MIDEAS: variants seen among roughly 807,000 people sequenced by gnomAD.
MIDEAS encodes mitotic deacetylase associated SANT domain protein, also known as mitotic deacetylase-associated SANT domain protein.
In MIDEAS, 26 loss-of-function variants were observed where a neutral mutation model predicts 102.7. The ratio of observed to expected loss-of-function variants is 0.25; its 90% confidence interval spans 0.19 to 0.35. The LOEUF (loss-of-function observed/expected upper bound fraction) is 0.35. Among genes scored for constraint, MIDEAS ranks in the 10% least tolerant of loss-of-function variants. The probability of loss-of-function intolerance (pLI) is 1.00; values close to 1 mark genes in which losing one functional copy is unlikely to be tolerated. For missense variants in MIDEAS, 1,231 were observed against 1,435.6 expected, an observed-to-expected ratio of 0.86 and a Z score of 2.30; for synonymous variants, 585 against 591.0, an observed-to-expected ratio of 0.99 and a Z score of 0.15.
At chr14:73,734,279 G>A (rs761688790) in intron 3 of MIDEAS, among the ~76,000 whole-genome samples, 8 of 152,228 alleles carry the variant, frequency 5.3e-5, no homozygotes, top group South Asian at 2.1e-4. Context: ...CACTGCCCCC[G>A]GCCCAGGATA....
At chr14:73,756,296 G>GTGTGTGCA (rs57331866) in intron 1 of MIDEAS, among the ~76,000 whole-genome samples, 1 of 24,028 alleles carries the variant, frequency 4.2e-5, no homozygotes, top group African/African-American at 2.4e-4. Flanking sequence ...GTGTGTGTGT[G>GTGTGTGCA]CGCGCGCGCG....
chr14:73,788,811 G>T (rs1243095485), upstream of MIDEAS, among the ~76,000 whole-genome samples: 2 of 152,132 alleles, frequency 1.3e-5, no homozygotes, highest in Non-Finnish European at 2.9e-5. Context: ...ACCAATGAGA[G>T]AATATGTTAG....
At chr14:73,786,765 T>G (rs559652317) in intron 1 of MIDEAS, among the ~76,000 whole-genome samples, 58 of 152,314 alleles carry the variant, frequency 3.8e-4, no homozygotes, top group African/African-American at 1.4e-3. Flanking sequence ...GCGCCCAGCC[T>G]GCAGGGATGG....
chr14:73,725,301 T>G lies in MIDEAS; in HGVS notation c.2545A>C (p.Lys849Gln). Residue 849 changes from lysine (K) to glutamine (Q), a missense_variant, in exon 9 of 13, where the codon AAG (lysine) becomes CAG (glutamine). Around this residue, in one of 5 missense-constraint regions of MIDEAS, gnomAD observed 391 missense variants for 483.0 expected, o/e 0.81. Transcript: ENST00000423556. The surrounding 1 kb of genome is among the most constrained non-coding windows in gnomAD (Gnocchi z 4.1). ...TTCTGCACCAGGAAGAAATCCTTCTTGTAGATGGCAATGCCTTTGTTGAAC... is the reference window on the plus strand; with the variant it reads ...TTCTGCACCAGGAAGAAATCCTTCTGGTAGATGGCAATGCCTTTGTTGAAC... Reference protein sequence around the residue: ...KLFNKGIAIYKKDFFLVQKLI... With the variant: ...KLFNKGIAIYQKDFFLVQKLI... 6.2e-7 allele frequency: 1 copy of G among 1,614,000 alleles called. No homozygotes were observed. Among genetic ancestry groups the G allele is most frequent in the Non-Finnish European group, 8.5e-7 (1 of 1,179,912 alleles).
At chr14:73,774,801 C>A (rs2053675290) in intron 1 of MIDEAS, among the ~76,000 whole-genome samples, 1 of 152,028 alleles carries the variant, frequency 6.6e-6, no homozygotes, top group South Asian at 2.1e-4. Flanking sequence ...ACAGCCAGCT[C>A]ACCAAGCACA....
rs1466605382 is a variant in MIDEAS at position 73,719,330 on chromosome 14, T to C, written c.3109A>G (p.Thr1037Ala). The C allele has an allele frequency of 6.2e-7, 1 of 1,610,478 alleles. No individual in the cohort carries two copies. The highest frequency in any genetic ancestry group is 8.5e-7 in the Non-Finnish European group (1 of 1,178,444). ...CTGCCACATTTTTTACAGGGGAAAG[T>C]GTTCTCCTGATTCTGGGTCTTACTG... ...TFSKTQNQEN[T>A]FPCKKCGRVF... Residue 1037 changes from threonine (T) to alanine (A), a missense_variant, in exon 12 of 13, where the codon ACT (threonine) becomes GCT (alanine). Thr to Ala is a moderately conservative substitution (Grantham distance 58). Coordinates refer to ENST00000423556, the MANE Select transcript of MIDEAS (RefSeq NM_001367710.1).
At chr14:73,726,148 G>A in intron 7 of MIDEAS, 40 bp from the exon 8 acceptor site, 2 of 1,466,086 alleles carry the variant, frequency 1.4e-6, no homozygotes, top group South Asian at 1.2e-5. Flanking sequence ...CACTGACAGG[G>A]GTGTCGGTGG....
At chr14:73,730,021 C>A in intron 3 of MIDEAS, 36 bp from the exon 4 acceptor site, 1 of 1,598,608 alleles carries the variant, frequency 6.3e-7, no homozygotes, top group Non-Finnish European at 8.6e-7. Context: ...GGCTCAGCCC[C>A]CCGTGTCCCA....
chr14:73,779,575 T>TTTTC (rs2053730215), intron 1 of MIDEAS, among the ~76,000 whole-genome samples: 2 of 135,640 alleles, frequency 1.5e-5, no homozygotes, highest in Non-Finnish European at 3.1e-5. Context: ...TTATTATTAT[T>TTTTC]TTTTTTTTTT....
At chr14:73,724,384 T>C (rs1453853474) in intron 9 of MIDEAS, 1 of 152,264 alleles carries the variant, frequency 6.6e-6, no homozygotes, top group Non-Finnish European at 1.5e-5. Context: ...TTAGGCCATT[T>C]ACACATTTAC....
Position 73,777,582 on chromosome 14 carries a change from G to A in MIDEAS, c.-248+9520C>T, listed in dbSNP as rs375848982. On this transcript the variant is annotated intron_variant, in intron 1 of 11. Coordinates refer to the MIDEAS transcript ENST00000394071. ...CAGTCCCCAGAGCAAATGGTGTCATGTTGTGCCTCCAGGCCTTGTCTGAGC... is the reference window on the plus strand; with the variant it reads ...CAGTCCCCAGAGCAAATGGTGTCATATTGTGCCTCCAGGCCTTGTCTGAGC... Among the ~76,000 whole-genome samples, 2 of 152,058 alleles carry A rather than the reference G, an allele frequency of 1.3e-5. 1 individual carries two copies. Among genetic ancestry groups the A allele is most frequent in the South Asian group, 4.2e-4 (2 of 4,786 alleles).
chr14:73,772,794 A>AGAGT (rs1555345949), intron 1 of MIDEAS, among the ~76,000 whole-genome samples: 1 of 135,628 alleles, frequency 7.4e-6, no homozygotes, highest in Non-Finnish European at 1.6e-5. Context: ...TTCAAGTTCT[A>AGAGT]GTGTGTGTGT....
At chr14:73,730,094 C>T (rs753008070) in intron 3 of MIDEAS, 109 bp from the exon 4 acceptor site, 6 of 1,102,828 alleles carry the variant, frequency 5.4e-6, no homozygotes, top group Non-Finnish European at 6.8e-6. Context: ...CTGCCTACCA[C>T]ACCCACCAAG....
chr14:73,758,319 G>A (rs2053510435), intron 1 of MIDEAS, among the ~76,000 whole-genome samples: 1 of 152,230 alleles, frequency 6.6e-6, no homozygotes, highest in African/African-American at 2.4e-5. Context: ...TCCAAAAGGG[G>A]CGTGTGCCAC....
Position 73,739,007 on chromosome 14 carries a change from C to T in MIDEAS, c.1002G>A (p.Ala334=), listed in dbSNP as rs144468201. ...GGAAGGGGATCTGGACCTGAGGTAG[C>T]GCTGGCTGCGGGGCTGAGTCCTGCA... The part of the protein sequence containing the change: ...ALLQDSAPQP[A]LPQVQIPFPR... Residue 334 remains alanine (A), a synonymous_variant, in exon 2 of 13, where the codon GCG becomes GCA. Coordinates refer to ENST00000423556, the MANE Select transcript of MIDEAS (RefSeq NM_001367710.1). 346 of 1,539,022 alleles carry T rather than the reference C, an allele frequency of 2.2e-4. No homozygotes were observed. The highest frequency in any genetic ancestry group is 3.0e-4 in the Admixed American group (15 of 50,054).
upstream of MIDEAS, among the ~76,000 whole-genome samples, chr14:73,788,670 A>C (rs888706758): frequency 6.6e-6 from 1 of 152,238 alleles, no homozygotes; most frequent in Non-Finnish European, 1.5e-5. Context: ...TAACTGCATC[A>C]TTAGACTCAA....
chr14:73,727,141 AC>A, intron 5 of MIDEAS, 169 bp from the exon 6 acceptor site: 1 of 827,488 alleles, frequency 1.2e-6, no homozygotes, highest in Non-Finnish European at 1.8e-6. Flanking sequence ...ACCTGGCACC[AC>A]CAGAAAGGCA....
intron 12 of MIDEAS, 38 bp downstream of exon 12, chr14:73,719,267 C>A (rs1566580313): frequency 6.3e-7 from 1 of 1,597,994 alleles, no homozygotes; most frequent in Admixed American, 1.7e-5. Flanking sequence ...CGCACCAGCC[C>A]GCGGGGGTCC....
In MIDEAS at chr14:73,740,040, C is replaced by T. The variant is rs774161423; in HGVS notation, c.-32G>A. The T allele has an allele frequency of 1.4e-6, 2 of 1,450,172 alleles. No homozygotes were observed. Among genetic ancestry groups the T allele is most frequent in the South Asian group, 1.6e-5 (1 of 61,880 alleles). 89.8% of individuals were successfully genotyped at this position (1,450,172 alleles called of 1,614,324 possible). A position where few individuals can be genotyped will look rare whatever the true frequency, so the allele number is the denominator to read the frequency against. ...GCCAACTGAGCCCTGGCGGTGAGAT[C>T]CCCTTCAACAGTCGCCCATCCCCTG... On this transcript the variant is annotated 5_prime_UTR_variant, in exon 2 of 13. Coordinates refer to ENST00000423556, the MANE Select transcript of MIDEAS (RefSeq NM_001367710.1).
Sources: allele counts gnomAD v4.1 joint callset (sites outside exome capture counted in the v4.1 genomes callset), GRCh38; gene constraint gnomAD v4.1.1; regional missense constraint gnomAD v4.1.1; non-coding constraint Gnocchi (gnomAD v3.1); transcripts MANE v1.5; gene names NCBI Gene and HGNC (gene_info 2026-07-23, HGNC 2026-07-21).